Variants in SLC41A2 observed in about 807,000 individuals in gnomAD.
The protein encoded by SLC41A2 is solute carrier family 41 member 2.
A neutral mutation model predicts 58.3 loss-of-function variants in SLC41A2; 32 were observed. The ratio of observed to expected loss-of-function variants is 0.55; its 90% CI spans 0.41 to 0.74. The LOEUF is 0.74. SLC41A2 is among the 30% of genes least tolerant of loss of function. SLC41A2 has a pLI of 0.00. For synonymous variants in SLC41A2, 190 were observed against 235.0 expected (o/e 0.81, Z 1.75); for missense variants, 514 against 680.6 (o/e 0.76, Z 2.72).
chr12:104,825,020 C>G (rs1019675912), intron 10 of SLC41A2, among the ~76,000 whole-genome samples: 1 of 114,428 alleles, frequency 8.7e-6, no homozygotes, highest in African/African-American at 2.8e-5. Context: ...TCAAAACCCC[C>G]AGACTTTGTC....
chr12:104,846,556 T>C (rs2042606096), intron 8 of SLC41A2, among the ~76,000 whole-genome samples: 1 of 152,188 alleles, frequency 6.6e-6, no homozygotes, highest in East Asian at 1.9e-4. Flanking sequence ...AGAAGAAAAC[T>C]GAAAAATTCA....
At chr12:104,815,456 A>C (rs1260689128) in intron 10 of SLC41A2, among the ~76,000 whole-genome samples, 1 of 152,216 alleles carries the variant, frequency 6.6e-6, no homozygotes, top group Non-Finnish European at 1.5e-5. Flanking sequence ...AAATATATAA[A>C]GTACAAAATA....
intron 1 of SLC41A2, among the ~76,000 whole-genome samples, chr12:104,947,880 A>G (rs1245614852): frequency 6.6e-6 from 1 of 152,172 alleles, no homozygotes; most frequent in Non-Finnish European, 1.5e-5. Context: ...CAAATAAACC[A>G]GATTATCTTA....
chr12:104,906,829 A>G (rs891292850), intron 3 of SLC41A2, among the ~76,000 whole-genome samples: 4 of 152,182 alleles, frequency 2.6e-5, no homozygotes, highest in Admixed American at 1.3e-4. Context: ...TACATTTATT[A>G]AATACAATAG....
chr12:104,916,772 T>C (rs2046341413), intron 2 of SLC41A2, among the ~76,000 whole-genome samples: 1 of 152,234 alleles, frequency 6.6e-6, no homozygotes, highest in Non-Finnish European at 1.5e-5. Flanking sequence ...GCTAGCCATA[T>C]GTAGAAAGCT....
At chr12:104,846,682 G>C (rs1298689964) in intron 8 of SLC41A2, among the ~76,000 whole-genome samples, 2 of 152,224 alleles carry the variant, frequency 1.3e-5, no homozygotes, top group South Asian at 2.1e-4. Context: ...TGGGGGAAGA[G>C]CAAGAGCACA....
intron 3 of SLC41A2, among the ~76,000 whole-genome samples, chr12:104,906,562 G>C (rs2045860622): frequency 6.6e-6 from 1 of 152,114 alleles, no homozygotes; most frequent in Non-Finnish European, 1.5e-5. Context: ...TCTGATCTTG[G>C]ACTTCCAGGT....
chr12:104,893,396 A>G (rs942725589), intron 4 of SLC41A2, among the ~76,000 whole-genome samples: 2 of 152,220 alleles, frequency 1.3e-5, no homozygotes, highest in African/African-American at 4.8e-5. Flanking sequence ...ACCCTCGTAC[A>G]CTGTTGGTGG....
At chr12:104,816,779 C>A (rs550664111) in intron 10 of SLC41A2, among the ~76,000 whole-genome samples, 1 of 152,196 alleles carries the variant, frequency 6.6e-6, no homozygotes, top group East Asian at 1.9e-4. Flanking sequence ...GATCCAACTA[C>A]CTATGTGGTC....
chr12:104,949,044 C>T (rs2047851413), intron 1 of SLC41A2, among the ~76,000 whole-genome samples: 1 of 152,054 alleles, frequency 6.6e-6, no homozygotes, highest in African/African-American at 2.4e-5. Flanking sequence ...GGAAAAACCC[C>T]ATCTCTACTA....
chr12:104,879,512 A>G (rs1436690951), intron 6 of SLC41A2, among the ~76,000 whole-genome samples: 2 of 152,192 alleles, frequency 1.3e-5, no homozygotes, highest in East Asian at 1.9e-4. Context: ...CTTTCTACAT[A>G]TGGCTAGCCA....
intron 6 of SLC41A2, among the ~76,000 whole-genome samples, chr12:104,871,169 A>T (rs1469749372): frequency 6.6e-6 from 1 of 152,196 alleles, no homozygotes; most frequent in East Asian, 1.9e-4. Flanking sequence ...AAAATCAATC[A>T]ACATTTTGCC....
Position 104,921,978 on chromosome 12 carries a change from AT to A in SLC41A2, c.555+5994del, listed in dbSNP as rs200621147. Among the ~76,000 whole-genome samples the A allele has an allele frequency of 3.4e-3, 510 of 151,770 alleles. 1 individual carries two copies. The highest frequency in any genetic ancestry group is 0.011 in the African/African-American group (454 of 41,426). On this transcript the variant is annotated intron_variant, in intron 2 of 10. Coordinates refer to ENST00000258538, the MANE Select transcript of SLC41A2 (RefSeq NM_001352171.3). ...CATCTCTTTAAAATAACATTATAAGATTTTTTTTTAAGCCTTATGGTAACCA... is the reference window on the plus strand; with the variant it reads ...CATCTCTTTAAAATAACATTATAAGATTTTTTTTAAGCCTTATGGTAACCA...
intron 3 of SLC41A2, among the ~76,000 whole-genome samples, chr12:104,908,462 T>A (rs1168827047): frequency 6.6e-6 from 1 of 152,218 alleles, no homozygotes; most frequent in Non-Finnish European, 1.5e-5. Flanking sequence ...ATTTCTTGAT[T>A]ACCTTTAGAT....
At chr12:104,938,534 T>G (rs2047373395) in intron 1 of SLC41A2, among the ~76,000 whole-genome samples, 1 of 152,198 alleles carries the variant, frequency 6.6e-6, no homozygotes, top group Non-Finnish European at 1.5e-5. Context: ...CAGCAACACT[T>G]ACAAACAGAA....
At chr12:104,877,583 T>C (rs1442205951) in intron 6 of SLC41A2, among the ~76,000 whole-genome samples, 1 of 152,220 alleles carries the variant, frequency 6.6e-6, no homozygotes, top group Non-Finnish European at 1.5e-5. Context: ...TTTTTATTTC[T>C]TGATCCAGTC....
At chr12:104,919,242 A>T (rs2046474437) in intron 2 of SLC41A2, among the ~76,000 whole-genome samples, 1 of 152,212 alleles carries the variant, frequency 6.6e-6, no homozygotes, top group South Asian at 2.1e-4. Context: ...AGTTTAACTC[A>T]ACTGTTGAAG....
intron 10 of SLC41A2, among the ~76,000 whole-genome samples, chr12:104,830,090 G>A (rs2041989409): frequency 6.6e-6 from 1 of 152,140 alleles, no homozygotes; most frequent in African/African-American, 2.4e-5. Flanking sequence ...ACCAAATAAT[G>A]GAATTAACCA....
chr12:104,854,574 A>C lies in SLC41A2; in HGVS notation c.1255+6717T>G, dbSNP rs377255990. Among the ~76,000 whole-genome samples the C allele has an allele frequency of 2.1e-3, 303 of 141,590 alleles. 1 individual carries two copies. The highest frequency in any genetic ancestry group is 0.011 in the Middle Eastern group (3 of 262). The allele number at this position is 141,590 out of a possible 152,430, so 92.9% of individuals were successfully genotyped here. ...CCAGACTCCGTCTCAAAAAAACAAA[A>C]AAAAAAAAACACCGCCTTAGATCAG... On this transcript the variant is annotated intron_variant, in intron 8 of 10. Coordinates refer to ENST00000258538, the MANE Select transcript of SLC41A2 (RefSeq NM_001352171.3).
Sources: allele counts gnomAD v4.1 joint callset (sites outside exome capture counted in the v4.1 genomes callset), GRCh38; gene constraint gnomAD v4.1.1; transcripts MANE v1.5; gene names NCBI Gene and HGNC (gene_info 2026-07-23, HGNC 2026-07-21).